The following CCSER2 variants were observed in gnomAD, a reference collection of about 807,000 sequenced individuals.
CCSER2 encodes the protein serine-rich coiled-coil domain-containing protein 2.
Under a neutral mutation model 92.3 loss-of-function variants are expected in CCSER2, and 46 were observed. The observed-to-expected ratio is 0.50, with a 90% CI of 0.39 to 0.64. The LOEUF is 0.64. CCSER2 is among the 30% of genes least tolerant of loss of function. The probability of loss-of-function intolerance (pLI) is 0.00; values close to 1 mark genes in which losing one functional copy is unlikely to be tolerated. For missense variants in CCSER2, 1,244 were observed against 1,238.9 expected, an observed-to-expected ratio of 1.00 and a Z score of -0.06; for synonymous variants, 433 against 431.4, an observed-to-expected ratio of 1.00 and a Z score of -0.04.
At chr10:84,413,414 A>T (rs948834477) in intron 3 of CCSER2, among the ~76,000 whole-genome samples, 1 of 152,204 alleles carries the variant, frequency 6.6e-6, no homozygotes, top group Non-Finnish European at 1.5e-5. Context: ...CTCAAGAGTC[A>T]TTCAGGAGAT....
intron 8 of CCSER2, among the ~76,000 whole-genome samples, chr10:84,474,219 T>C (rs17719302): frequency 0.15 from 22,905 of 152,156 alleles, 1,848 homozygotes; most frequent in Admixed American, 0.24. Context: ...CATTAGACAG[T>C]GGAACTCAGG....
At chr10:84,417,720 CAT>C in intron 3 of CCSER2, 49 bp from the exon 4 acceptor site, 1 of 847,658 alleles carries the variant, frequency 1.2e-6, no homozygotes, top group South Asian at 1.4e-5. Flanking sequence ...TAATGGTTGA[CAT>C]ATCCTTAGAG....
At chr10:84,489,995 A>G (rs937006693) in intron 9 of CCSER2, among the ~76,000 whole-genome samples, 1 of 152,142 alleles carries the variant, frequency 6.6e-6, no homozygotes, top group African/African-American at 2.4e-5. Context: ...TCCTTCACTT[A>G]TGAAGCTTAG....
chr10:84,429,323 T>G (rs1843631283), intron 5 of CCSER2, among the ~76,000 whole-genome samples: 1 of 152,140 alleles, frequency 6.6e-6, no homozygotes, highest in Non-Finnish European at 1.5e-5. Context: ...AATCTTCTGC[T>G]TCTCATATAT....
intron 1 of CCSER2, among the ~76,000 whole-genome samples, chr10:84,349,535 A>T (rs1477772851): frequency 6.6e-6 from 1 of 151,968 alleles, no homozygotes; most frequent in Non-Finnish European, 1.5e-5. Context: ...TTAAAAAGTT[A>T]GCTGGGTGTG....
intron 4 of CCSER2, among the ~76,000 whole-genome samples, chr10:84,418,425 GA>G (rs1842981652): frequency 6.6e-6 from 1 of 151,906 alleles, no homozygotes; most frequent in African/African-American, 2.4e-5. Context: ...GCACTTGTAG[GA>G]TTTTTTTTAT....
At chr10:84,385,692 G>C (rs1841162668) in intron 3 of CCSER2, among the ~76,000 whole-genome samples, 1 of 152,074 alleles carries the variant, frequency 6.6e-6, no homozygotes. Context: ...ATTGGCTTAG[G>C]CAAAAGATTT....
At chr10:84,463,882 G>C (rs369783072) in intron 6 of CCSER2, 51 bp from the exon 7 acceptor site, 4 of 1,241,634 alleles carry the variant, frequency 3.2e-6, no homozygotes, top group Non-Finnish European at 4.7e-6. Context: ...TGAACTGAAT[G>C]TCCACAATTA....
At chr10:84,353,160 C>T (rs530926589) in intron 1 of CCSER2, among the ~76,000 whole-genome samples, 1 of 152,128 alleles carries the variant, frequency 6.6e-6, no homozygotes, top group Non-Finnish European at 1.5e-5. Flanking sequence ...AATTAGTTAT[C>T]GTTAAGGGCC....
At chr10:84,460,280 T>A (rs1475082166) in intron 6 of CCSER2, among the ~76,000 whole-genome samples, 2 of 147,152 alleles carry the variant, frequency 1.4e-5, no homozygotes, top group African/African-American at 2.5e-5. Flanking sequence ...TTTTTCATAT[T>A]TTTAGTAGAA....
chr10:84,392,670 C>T (rs1841592941), intron 3 of CCSER2, among the ~76,000 whole-genome samples: 1 of 151,652 alleles, frequency 6.6e-6, no homozygotes, highest in African/African-American at 2.4e-5. Flanking sequence ...TTTAAGGTAC[C>T]CCAAAAAAGT....
intron 5 of CCSER2, among the ~76,000 whole-genome samples, chr10:84,433,183 G>C (rs182906201): frequency 6.6e-6 from 1 of 151,910 alleles, no homozygotes; most frequent in African/African-American, 2.4e-5. Flanking sequence ...ATATTGTTTC[G>C]GATATTTTGG....
At chr10:84,346,913 G>A (rs2133045255) in intron 1 of CCSER2, among the ~76,000 whole-genome samples, 1 of 152,136 alleles carries the variant, frequency 6.6e-6, no homozygotes, top group Middle Eastern at 3.4e-3. Flanking sequence ...GTTTTCCTAG[G>A]CAGAGGACCC....
intron 1 of CCSER2, among the ~76,000 whole-genome samples, chr10:84,331,799 T>C (rs971334252): frequency 5.9e-5 from 9 of 152,240 alleles, no homozygotes; most frequent in African/African-American, 2.2e-4. Context: ...TATCAGTGGT[T>C]TTATATGATA....
At chr10:84,433,449 A>G (rs1051219392) in intron 5 of CCSER2, among the ~76,000 whole-genome samples, 11 of 151,910 alleles carry the variant, frequency 7.2e-5, no homozygotes, top group Non-Finnish European at 1.5e-4. Context: ...ACACACACAC[A>G]CATACACAAG....
chr10:84,501,850 T>TATATATATATATATATATACAC (rs1848766038), intron 9 of CCSER2, among the ~76,000 whole-genome samples: 1 of 113,268 alleles, frequency 8.8e-6, no homozygotes, highest in Non-Finnish European at 1.9e-5. Flanking sequence ...TATATATATA[T>TATATATATATATATATATACAC]ATATATATAC....
At chr10:84,374,113 G>T in intron 3 of CCSER2, 1 of 526,460 alleles carries the variant, frequency 1.9e-6, no homozygotes. Context: ...GGGGGAGGAG[G>T]TCAATGACTG....
chr10:84,498,031 A>C (rs1043638595), intron 9 of CCSER2, among the ~76,000 whole-genome samples: 1 of 152,190 alleles, frequency 6.6e-6, no homozygotes, highest in Non-Finnish European at 1.5e-5. Flanking sequence ...AGATCCAAGG[A>C]AAAAAAGTTT....
chr10:84,471,643 A>T (rs931983100), intron 8 of CCSER2, among the ~76,000 whole-genome samples: 1 of 152,140 alleles, frequency 6.6e-6, no homozygotes, highest in Non-Finnish European at 1.5e-5. Flanking sequence ...CTCAAGAATA[A>T]GGAGATAAAG....
Sources: allele counts gnomAD v4.1 joint callset (sites outside exome capture counted in the v4.1 genomes callset), GRCh38; gene constraint gnomAD v4.1.1; transcripts MANE v1.5; gene names NCBI Gene and HGNC (gene_info 2026-07-23, HGNC 2026-07-21).